Variants in ERBB4 observed in about 807,000 individuals in gnomAD.
ERBB4 encodes receptor tyrosine-protein kinase erbB-4.
A neutral mutation model predicts 158.0 loss-of-function variants in ERBB4; 42 were observed. The observed-to-expected ratio is 0.27, with a 90% confidence interval of 0.21 to 0.34. ERBB4 has a LOEUF of 0.34. ERBB4 is among the 10% of genes least tolerant of loss of function. ERBB4 has a pLI of 1.00. For synonymous variants in ERBB4, 583 were observed against 558.7 expected (o/e 1.04, Z -0.61); for missense variants, 1,333 against 1,624.1 (o/e 0.82, Z 3.08).
intron 1 of ERBB4, among the ~76,000 whole-genome samples, chr2:212,318,534 CAA>C (rs77344896): frequency 6.7e-5 from 10 of 150,370 alleles, no homozygotes; most frequent in Admixed American, 6.6e-5. Context: ...GAGAAAAAGA[CAA>C]AAAAAAATCA....
chr2:211,849,114 G>T (rs2077658855), intron 3 of ERBB4, among the ~76,000 whole-genome samples: 1 of 151,950 alleles, frequency 6.6e-6, no homozygotes, highest in Non-Finnish European at 1.5e-5. Flanking sequence ...AATAAGTACA[G>T]TGTTTTTTTC....
intron 20 of ERBB4, among the ~76,000 whole-genome samples, chr2:211,492,507 T>C (rs2125574156): frequency 6.6e-6 from 1 of 152,246 alleles, no homozygotes; most frequent in Admixed American, 6.5e-5. Flanking sequence ...TTCTAGGTAT[T>C]TTGCATAAAT....
intron 1 of ERBB4, among the ~76,000 whole-genome samples, chr2:212,398,343 A>G (rs1340590878): frequency 6.6e-6 from 1 of 152,086 alleles, no homozygotes; most frequent in African/African-American, 2.4e-5. Flanking sequence ...AGTAAAACCA[A>G]ACTTTATTCA....
At chr2:212,304,241 C>T (rs140379192) in intron 1 of ERBB4, among the ~76,000 whole-genome samples, 4 of 151,558 alleles carry the variant, frequency 2.6e-5, no homozygotes, top group South Asian at 2.1e-4. Flanking sequence ...TGTTTGGCAA[C>T]GTGTATTTTA....
intron 2 of ERBB4, among the ~76,000 whole-genome samples, chr2:212,077,993 C>G (rs1164733698): frequency 6.6e-6 from 1 of 151,758 alleles, no homozygotes; most frequent in African/African-American, 2.4e-5. Context: ...TTGACTAAGG[C>G]TAATATAAGA....
chr2:211,796,106 T>G (rs1269381834), intron 3 of ERBB4, among the ~76,000 whole-genome samples: 1 of 151,870 alleles, frequency 6.6e-6, no homozygotes, highest in Non-Finnish European at 1.5e-5. Context: ...TAACCAGCAC[T>G]CAGATCAAGA....
intron 1 of ERBB4, among the ~76,000 whole-genome samples, chr2:212,224,169 A>C (rs1475227157): frequency 6.6e-6 from 1 of 151,908 alleles, no homozygotes; most frequent in Non-Finnish European, 1.5e-5. Context: ...GTAAATTTAC[A>C]CCAAATAAAA....
chr2:212,237,562 A>G (rs552055123), intron 1 of ERBB4, among the ~76,000 whole-genome samples: 1 of 152,160 alleles, frequency 6.6e-6, no homozygotes, highest in African/African-American at 2.4e-5. Flanking sequence ...GGGGTCAGGG[A>G]CCCACTGAGG....
intron 12 of ERBB4, among the ~76,000 whole-genome samples, chr2:211,689,094 T>C (rs1044655614): frequency 3.3e-5 from 5 of 152,228 alleles, no homozygotes; most frequent in Admixed American, 2.0e-4. Flanking sequence ...TTCTCTGTTA[T>C]ATTAATTTTG....
intron 3 of ERBB4, among the ~76,000 whole-genome samples, chr2:211,798,231 A>G (rs182176737): frequency 6.6e-6 from 1 of 152,060 alleles, no homozygotes; most frequent in Non-Finnish European, 1.5e-5. Context: ...TCTTTATTAA[A>G]TTCATAGAAA....
chr2:212,388,827 A>G (rs1421603105), intron 1 of ERBB4, among the ~76,000 whole-genome samples: 1 of 152,092 alleles, frequency 6.6e-6, no homozygotes, highest in Non-Finnish European at 1.5e-5. Flanking sequence ...TTGTACCACA[A>G]ATTTGTTGAT....
intron 2 of ERBB4, among the ~76,000 whole-genome samples, chr2:212,069,432 C>G (rs1174754405): frequency 6.6e-6 from 1 of 151,960 alleles, no homozygotes. Flanking sequence ...AAACGGACAT[C>G]TATAAAAAAC....
At chr2:212,227,175 G>A (rs2083499460) in intron 1 of ERBB4, among the ~76,000 whole-genome samples, 1 of 151,500 alleles carries the variant, frequency 6.6e-6, no homozygotes. Flanking sequence ...AACCCGGGAG[G>A]TGGAGGTTGC....
At chr2:211,848,007 C>A (rs905912314) in intron 3 of ERBB4, among the ~76,000 whole-genome samples, 3 of 152,024 alleles carry the variant, frequency 2.0e-5, no homozygotes, top group African/African-American at 7.2e-5. Context: ...AGAGACAGAG[C>A]GGGGCTTCAA....
At chr2:212,435,534 T>C (rs1256074814) in intron 1 of ERBB4, among the ~76,000 whole-genome samples, 2 of 151,970 alleles carry the variant, frequency 1.3e-5, no homozygotes, top group Admixed American at 6.6e-5. Context: ...GAAACTAACA[T>C]ACATTCTTGT....
intron 3 of ERBB4, among the ~76,000 whole-genome samples, chr2:211,815,436 G>C (rs771604906): frequency 1.4e-4 from 22 of 152,146 alleles, no homozygotes; most frequent in Admixed American, 5.9e-4. Flanking sequence ...TTTCCCAAAA[G>C]AGTAAGGTAA....
At chr2:212,207,525 G>A (rs1235603633) in intron 1 of ERBB4, among the ~76,000 whole-genome samples, 2 of 152,042 alleles carry the variant, frequency 1.3e-5, no homozygotes, top group African/African-American at 2.4e-5. Context: ...CAACTGCAGT[G>A]GAATCTGATC....
chr2:212,270,637 T>C (rs906937434), intron 1 of ERBB4, among the ~76,000 whole-genome samples: 1 of 151,790 alleles, frequency 6.6e-6, no homozygotes, highest in Non-Finnish European at 1.5e-5. Flanking sequence ...CCTGGAACTT[T>C]CTACGTTTTT....
intron 1 of ERBB4, among the ~76,000 whole-genome samples, chr2:212,385,971 C>A (rs1378620012): frequency 6.6e-6 from 1 of 151,678 alleles, no homozygotes; most frequent in Non-Finnish European, 1.5e-5. Context: ...TGTTTAATAT[C>A]CCCATTTTCC....
Sources: allele counts gnomAD v4.1 joint callset (sites outside exome capture counted in the v4.1 genomes callset), GRCh38; gene constraint gnomAD v4.1.1; transcripts MANE v1.5; gene names NCBI Gene and HGNC (gene_info 2026-07-23, HGNC 2026-07-21).